The following CERK variants were observed in gnomAD, a reference collection of about 807,000 sequenced individuals.
CERK encodes ceramide kinase, also known as acylsphingosine kinase.
Under a neutral mutation model 63.4 loss-of-function variants are expected in CERK, and 39 were observed. The observed-to-expected ratio is 0.61, with a 90% CI of 0.48 to 0.80. The LOEUF (loss-of-function observed/expected upper bound fraction) is 0.80, where lower values mean the gene tolerates loss of function less well. CERK is among the 30% of genes least tolerant of loss of function. The pLI is 0.00. For synonymous variants in CERK, 302 were observed against 280.0 expected (o/e 1.08, Z -0.78); for missense variants, 670 against 714.1 (o/e 0.94, Z 0.70).
At chr22:46,710,874 C>A (rs1308947161) in intron 5 of CERK, among the ~76,000 whole-genome samples, 1 of 152,206 alleles carries the variant, frequency 6.6e-6, no homozygotes, top group Non-Finnish European at 1.5e-5. Flanking sequence ...AGCAAACAAC[C>A]ATTCTCGCCC....
intron 5 of CERK, among the ~76,000 whole-genome samples, chr22:46,709,489 G>A (rs928860422): frequency 2.0e-5 from 3 of 152,184 alleles, no homozygotes; most frequent in Non-Finnish European, 2.9e-5. Context: ...GAACACTCCC[G>A]CATTAGGAGG....
chr22:46,704,718 G>A (rs893036509), intron 6 of CERK, among the ~76,000 whole-genome samples: 1 of 151,820 alleles, frequency 6.6e-6, no homozygotes, highest in Non-Finnish European at 1.5e-5. Context: ...CCAGCTACTA[G>A]GGAGGCTAAG....
chr22:46,698,515 G>A (rs529853289), intron 8 of CERK, among the ~76,000 whole-genome samples: 1 of 152,384 alleles, frequency 6.6e-6, no homozygotes, highest in South Asian at 2.1e-4. Flanking sequence ...TTACAGAAGA[G>A]CTTCCACACA....
intron 1 of CERK, among the ~76,000 whole-genome samples, chr22:46,723,159 T>C (rs958675873): frequency 1.2e-4 from 18 of 152,330 alleles, no homozygotes; most frequent in African/African-American, 3.8e-4. Flanking sequence ...TACCTGCTCC[T>C]CTGGCAAGAG....
At chr22:46,734,557 G>A (rs545711023) in intron 1 of CERK, among the ~76,000 whole-genome samples, 1 of 152,232 alleles carries the variant, frequency 6.6e-6, no homozygotes, top group Admixed American at 6.5e-5. Flanking sequence ...GGGCTGCTGC[G>A]ATCCGGGTGA....
chr22:46,720,954 T>C lies in CERK; in HGVS notation c.204A>G (p.Lys68=). The change falls in exon 2 of 13, where the codon AAA becomes AAG. Residue 68 remains lysine, a synonymous_variant. Transcript: ENST00000216264. ...IAVEETDVHG[K]HQGSGKWQKM... ...TCTGCCATTTTCCACTGCCTTGATG[T>C]TTCCCGTGAACGTCTGTTTCCTCAA... is the stretch of plus-strand genomic sequence containing the variant. 6.2e-7 allele frequency: 1 copy of C among 1,613,834 alleles called. No homozygotes were observed. Among genetic ancestry groups the C allele is most frequent in the Non-Finnish European group, 8.5e-7 (1 of 1,179,758 alleles).
intron 6 of CERK, among the ~76,000 whole-genome samples, chr22:46,704,289 T>A (rs1284422519): frequency 6.6e-6 from 1 of 152,186 alleles, no homozygotes; most frequent in Non-Finnish European, 1.5e-5. Context: ...GAGGTCGTTG[T>A]GGATTTTAAG....
intron 1 of CERK, among the ~76,000 whole-genome samples, chr22:46,728,380 A>G (rs1480036261): frequency 3.3e-5 from 5 of 152,104 alleles, no homozygotes; most frequent in African/African-American, 1.2e-4. Flanking sequence ...CAAATCCCAG[A>G]GTCCCTGCCT....
intron 12 of CERK, among the ~76,000 whole-genome samples, chr22:46,689,512 AG>A (rs1400020310): frequency 5.9e-5 from 9 of 152,310 alleles, no homozygotes; most frequent in African/African-American, 2.2e-4. Context: ...CTGGGATTAC[AG>A]GCATGCACCA....
Position 46,691,714 on chromosome 22 carries a change from G to A in CERK, c.1190C>T (p.Ser397Phe). 6.2e-7 allele frequency: 1 copy of A among 1,613,854 alleles called. No homozygotes were observed. The highest frequency in any genetic ancestry group is 8.5e-7 in the Non-Finnish European group (1 of 1,179,830). The change falls in exon 11 of 13, where the codon TCC (serine) becomes TTC (phenylalanine). Residue 397 changes from serine (S) to phenylalanine (F), a missense_variant. Coordinates refer to ENST00000216264, the MANE Select transcript of CERK (RefSeq NM_022766.6). ...CCTGGGGCTCCGGCGACAAGCACAG[G>A]ACATGTTTGTGGCATTGATGGCCAG... ...KFLAINATNM[S>F]CACRRSPRGL... is the part of the protein sequence containing the mutation.
chr22:46,712,042 G>C, intron 4 of CERK, 126 bp downstream of exon 4: 1 of 1,004,048 alleles, frequency 1.0e-6, no homozygotes, highest in Non-Finnish European at 1.5e-6. Flanking sequence ...ACCCACAATT[G>C]CACCACTGCA....
intron 1 of CERK, among the ~76,000 whole-genome samples, chr22:46,727,565 G>A (rs530279237): frequency 6.6e-6 from 1 of 151,940 alleles, no homozygotes; most frequent in South Asian, 2.1e-4. Flanking sequence ...AAAGTGTTGG[G>A]ATTACAGGCG....
chr22:46,715,931 A>T (rs115934483), intron 3 of CERK, among the ~76,000 whole-genome samples: 3,051 of 152,196 alleles, frequency 0.02, 97 homozygotes, highest in African/African-American at 0.069. Context: ...CACCCTGGTA[A>T]TATCAATGCT....
intron 3 of CERK, among the ~76,000 whole-genome samples, chr22:46,717,961 A>G (rs952133810): frequency 1.3e-5 from 2 of 152,130 alleles, no homozygotes; most frequent in African/African-American, 4.8e-5. Flanking sequence ...GGTGCCTATA[A>G]TCTCAGCTAC....
chr22:46,688,205 GAAAT>G (rs772866402), intron 12 of CERK, among the ~76,000 whole-genome samples: 69 of 152,088 alleles, frequency 4.5e-4, no homozygotes, highest in South Asian at 8.3e-4. Flanking sequence ...TAAAAAAATA[GAAAT>G]AAATAAGTGA....
intron 1 of CERK, among the ~76,000 whole-genome samples, chr22:46,726,279 C>T (rs938748165): frequency 1.3e-5 from 2 of 152,240 alleles, no homozygotes; most frequent in East Asian, 1.9e-4. Flanking sequence ...GGGAGCACAG[C>T]GGTCCCTGGG....
At position 46,725,022 on chromosome 22, in the gene CERK, C is replaced by CA. The variant is rs201979247; in HGVS notation, c.143-4008dup. Among the ~76,000 whole-genome samples the CA allele has an allele frequency of 8.2e-3, 1,200 of 146,786 alleles. 12 individuals carry two copies. Among genetic ancestry groups the CA allele is most frequent in the African/African-American group, 0.013 (527 of 40,046 alleles). On this transcript the variant is annotated intron_variant, in intron 1 of 12. Transcript: ENST00000216264. ...GGCGAAAGACAGCAAAACTCCATCT[C>CA]AAAAAAAAAAGAAAAAGAAGGCTGG...
At chr22:46,700,753 T>C (rs1359044412) in intron 7 of CERK, among the ~76,000 whole-genome samples, 1 of 151,496 alleles carries the variant, frequency 6.6e-6, no homozygotes, top group Non-Finnish European at 1.5e-5. Flanking sequence ...GGCTTACGCC[T>C]GTAATCCCAA....
At chr22:46,693,276 C>G (rs2082740595) in intron 10 of CERK, 151 bp downstream of exon 10, 2 of 657,260 alleles carry the variant, frequency 3.0e-6, no homozygotes, top group South Asian at 1.8e-5. Flanking sequence ...CTGACGCTGC[C>G]TGGGGCTAAG....
Sources: gnomAD v4.1 joint callset for allele counts (sites outside exome capture counted in the v4.1 genomes callset) on GRCh38, gnomAD v4.1.1 for gene constraint, MANE v1.5 for transcripts, NCBI Gene and HGNC (gene_info 2026-07-23, HGNC 2026-07-21) for gene names.